Variants in LRRC4C observed in about 807,000 individuals in gnomAD.
The protein encoded by LRRC4C is leucine rich repeat containing 4C, also known as leucine-rich repeat-containing protein 4C.
LRRC4C carries 5 observed loss-of-function variants against 33.6 expected under a neutral mutation model. That is an observed-to-expected ratio of 0.15 (90% CI 0.08 to 0.31). The LOEUF (loss-of-function observed/expected upper bound fraction) is 0.31. LRRC4C is among the 10% of genes least tolerant of loss of function. The pLI is 1.00. For synonymous variants in LRRC4C, 329 were observed against 302.0 expected (o/e 1.09, Z -0.93); for missense variants, 560 against 796.7 (o/e 0.70, Z 3.58).
chr11:40,597,559 A>G lies in LRRC4C; in HGVS notation c.-270+50583T>C, dbSNP rs75883353. Among the ~76,000 whole-genome samples, 344 of 152,294 alleles carry G rather than the reference A, an allele frequency of 2.3e-3. 1 individual carries two copies. The highest frequency in any genetic ancestry group is 8.0e-3 in the African/African-American group (331 of 41,564). On this transcript the variant is annotated intron_variant, in intron 3 of 6. Coordinates refer to ENST00000528697, the MANE Select transcript of LRRC4C (RefSeq NM_001258419.2). ...TAAAAATAGTCACATGTGTATGCAT[A>G]AAATTGTCACATGTAATAGTAACAG...
intron 3 of LRRC4C, among the ~76,000 whole-genome samples, chr11:40,478,537 C>A (rs1443709995): frequency 6.6e-6 from 1 of 152,038 alleles, no homozygotes; most frequent in African/African-American, 2.4e-5. Context: ...TGTTTATTTT[C>A]CCATTCTGGT....
intron 1 of LRRC4C, among the ~76,000 whole-genome samples, chr11:41,446,188 G>A (rs1955821039): frequency 6.6e-6 from 1 of 152,184 alleles, no homozygotes; most frequent in African/African-American, 2.4e-5. Context: ...AGAAAACACA[G>A]TAGACAACAA....
intron 3 of LRRC4C, among the ~76,000 whole-genome samples, chr11:40,356,324 A>G (rs1947669355): frequency 6.6e-6 from 1 of 152,232 alleles, no homozygotes; most frequent in Non-Finnish European, 1.5e-5. Context: ...TGATGATTAC[A>G]TAACTTAGTA....
intron 2 of LRRC4C, among the ~76,000 whole-genome samples, chr11:40,662,369 T>G (rs1189613408): frequency 6.6e-6 from 1 of 152,132 alleles, no homozygotes; most frequent in Non-Finnish European, 1.5e-5. Context: ...AAACCCTATA[T>G]AAAGTCTACC....
chr11:40,780,159 T>C (rs1006859062), intron 2 of LRRC4C, among the ~76,000 whole-genome samples: 8 of 152,148 alleles, frequency 5.3e-5, no homozygotes, highest in African/African-American at 1.9e-4. Flanking sequence ...AAAAGGTACC[T>C]TGAGTATTCT....
chr11:40,637,546 C>T (rs770981991), intron 3 of LRRC4C, among the ~76,000 whole-genome samples: 5 of 152,152 alleles, frequency 3.3e-5, no homozygotes, highest in Non-Finnish European at 7.3e-5. Context: ...TCTTTCACTC[C>T]AAATCTCTCA....
At chr11:41,389,719 A>G (rs1272396703) in intron 1 of LRRC4C, among the ~76,000 whole-genome samples, 1 of 149,880 alleles carries the variant, frequency 6.7e-6, no homozygotes, top group Non-Finnish European at 1.5e-5. Context: ...CTGAAGTAAT[A>G]TCTGGACCAG....
intron 2 of LRRC4C, among the ~76,000 whole-genome samples, chr11:40,814,371 GA>G (rs1290611922): frequency 6.6e-6 from 1 of 152,006 alleles, no homozygotes; most frequent in African/African-American, 2.4e-5. Flanking sequence ...GCCATGGCTA[GA>G]ATGGCTGGGA....
chr11:40,781,504 G>A (rs563690339), intron 2 of LRRC4C, among the ~76,000 whole-genome samples: 4 of 152,160 alleles, frequency 2.6e-5, no homozygotes, highest in South Asian at 2.1e-4. Flanking sequence ...AGCCTTTATC[G>A]GAAGTTTTAG....
chr11:40,839,688 TC>T (rs1163823717), intron 2 of LRRC4C, among the ~76,000 whole-genome samples: 2 of 152,170 alleles, frequency 1.3e-5, no homozygotes, highest in African/African-American at 4.8e-5. Flanking sequence ...CTATTAGTCC[TC>T]TACAGATGGA....
chr11:40,879,775 A>G (rs1400900690), intron 2 of LRRC4C, among the ~76,000 whole-genome samples: 1 of 152,138 alleles, frequency 6.6e-6, no homozygotes, highest in Non-Finnish European at 1.5e-5. Flanking sequence ...AATAAGGCAA[A>G]AAGATTTAGA....
At chr11:41,436,927 T>G (rs1206842505) in intron 1 of LRRC4C, among the ~76,000 whole-genome samples, 1 of 152,174 alleles carries the variant, frequency 6.6e-6, no homozygotes, top group Non-Finnish European at 1.5e-5. Context: ...TGGGTTTTGA[T>G]TTGATAATCC....
intron 1 of LRRC4C, among the ~76,000 whole-genome samples, chr11:41,101,454 C>T (rs1941177280): frequency 6.6e-6 from 1 of 152,136 alleles, no homozygotes; most frequent in Admixed American, 6.6e-5. Flanking sequence ...GAGATACCAG[C>T]TCACACCAGG....
At chr11:41,422,466 T>G (rs1057251686) in intron 1 of LRRC4C, among the ~76,000 whole-genome samples, 3 of 152,014 alleles carry the variant, frequency 2.0e-5, no homozygotes, top group Non-Finnish European at 2.9e-5. Flanking sequence ...AAGATAATAC[T>G]TGGAATTACT....
intron 5 of LRRC4C, among the ~76,000 whole-genome samples, chr11:40,152,351 A>G (rs1357411898): frequency 6.6e-6 from 1 of 152,174 alleles, no homozygotes; most frequent in Non-Finnish European, 1.5e-5. Context: ...ACGGGGATCC[A>G]CTGGGAGGGT....
intron 3 of LRRC4C, among the ~76,000 whole-genome samples, chr11:40,425,938 C>A (rs889210184): frequency 6.6e-6 from 1 of 151,974 alleles, no homozygotes; most frequent in African/African-American, 2.4e-5. Context: ...GTCTAGCATG[C>A]ACTGAACACC....
chr11:41,398,270 T>G (rs1953896466), intron 1 of LRRC4C, among the ~76,000 whole-genome samples: 1 of 151,976 alleles, frequency 6.6e-6, no homozygotes, highest in South Asian at 2.1e-4. Flanking sequence ...TGCACACTTT[T>G]TTTAAGTTTT....
intron 2 of LRRC4C, among the ~76,000 whole-genome samples, chr11:40,766,815 A>T (rs1190063365): frequency 6.6e-6 from 1 of 151,574 alleles, no homozygotes; most frequent in Non-Finnish European, 1.5e-5. Flanking sequence ...AAAGTAACAC[A>T]TATGACCAGA....
chr11:41,147,445 A>G (rs1277750187), intron 1 of LRRC4C, among the ~76,000 whole-genome samples: 1 of 152,236 alleles, frequency 6.6e-6, no homozygotes, highest in Non-Finnish European at 1.5e-5. Flanking sequence ...AAAGTTAAAT[A>G]AAAATTATGC....
Sources: gnomAD v4.1 joint callset for allele counts (sites outside exome capture counted in the v4.1 genomes callset) on GRCh38, gnomAD v4.1.1 for gene constraint, MANE v1.5 for transcripts, NCBI Gene and HGNC (gene_info 2026-07-23, HGNC 2026-07-21) for gene names.